EPC1: variants seen among roughly 807,000 people sequenced by gnomAD.
EPC1 encodes enhancer of polycomb homolog 1.
Under a neutral mutation model 98.4 loss-of-function variants are expected in EPC1, and 12 were observed. That is an observed-to-expected ratio of 0.12 (90% CI 0.08 to 0.20). EPC1 has a LOEUF of 0.20. Ranked by LOEUF, EPC1 falls within the 10% of genes least tolerant of loss-of-function variation. The pLI is 1.00. For synonymous variants in EPC1, 357 were observed against 363.9 expected, an observed-to-expected ratio of 0.98 and a Z score of 0.21; for missense variants, 729 against 990.5, an observed-to-expected ratio of 0.74 and a Z score of 3.54.
intron 5 of EPC1, chr10:32,291,865 A>G (rs145361836): frequency 2.0e-5 from 3 of 152,246 alleles, no homozygotes; most frequent in Middle Eastern, 6.8e-3. Flanking sequence ...ATATAAATAG[A>G]GGATTGTTGG....
chr10:32,326,577 A>G (rs770013593), intron 1 of EPC1, among the ~76,000 whole-genome samples: 19 of 152,310 alleles, frequency 1.2e-4, no homozygotes, highest in Non-Finnish European at 1.8e-4. Context: ...GGGTACTATT[A>G]TAACAAAAAA....
chr10:32,363,117 G>T (rs112931581), intron 1 of EPC1, among the ~76,000 whole-genome samples: 25 of 152,258 alleles, frequency 1.6e-4, no homozygotes, highest in African/African-American at 6.0e-4. Context: ...TCTGTCACCT[G>T]GGCTAGAGTG....
At chr10:32,329,902 A>G (rs1837536857) in intron 1 of EPC1, among the ~76,000 whole-genome samples, 1 of 152,214 alleles carries the variant, frequency 6.6e-6, no homozygotes, top group South Asian at 2.1e-4. Context: ...TGGATACCTA[A>G]GGAAGTGACC....
chr10:32,286,909 G>T lies in EPC1; in HGVS notation c.1242+17C>A, dbSNP rs2132704159. 1 of 1,610,246 alleles carries T rather than the reference G, an allele frequency of 6.2e-7. No homozygotes were observed. The highest frequency in any genetic ancestry group is 8.5e-7 in the Non-Finnish European group (1 of 1,178,572). ...AGGTAAATAGTTTGTTATTTACAAA[G>T]ACACTCTGAAACTTACAGCATAGTA... On this transcript the variant is annotated intron_variant, in intron 8 of 13. Coordinates refer to ENST00000319778, the MANE Select transcript of EPC1 (RefSeq NM_001272004.3).
chr10:32,291,582 C>G (rs1834852726), intron 5 of EPC1: 1 of 240,980 alleles, frequency 4.1e-6, no homozygotes, highest in South Asian at 1.6e-4. Flanking sequence ...AACTGTAAGT[C>G]TGTACCCTTT....
chr10:32,318,163 C>T (rs1434444389), intron 1 of EPC1, among the ~76,000 whole-genome samples: 4 of 152,108 alleles, frequency 2.6e-5, no homozygotes, highest in South Asian at 2.1e-4. Flanking sequence ...TTAGAAAAGC[C>T]GCAATCTAAT....
intron 1 of EPC1, among the ~76,000 whole-genome samples, chr10:32,343,215 A>G (rs1228200055): frequency 1.3e-5 from 2 of 151,842 alleles, no homozygotes; most frequent in Non-Finnish European, 2.9e-5. Context: ...TTTTTAATTA[A>G]ATTATTTTTT....
chr10:32,340,918 C>T (rs1016207110), intron 1 of EPC1, among the ~76,000 whole-genome samples: 2 of 87,774 alleles, frequency 2.3e-5, no homozygotes, highest in Non-Finnish European at 5.6e-5. Flanking sequence ...TTTATTCTTA[C>T]CAAAAAGTTA....
intron 1 of EPC1, among the ~76,000 whole-genome samples, chr10:32,317,069 C>A (rs1201945703): frequency 6.6e-6 from 1 of 152,026 alleles, no homozygotes; most frequent in Non-Finnish European, 1.5e-5. Flanking sequence ...TCTTGCTGAA[C>A]CCCAGAACAC....
chr10:32,303,740 T>C (rs1402858346), intron 2 of EPC1, among the ~76,000 whole-genome samples: 8 of 152,224 alleles, frequency 5.3e-5, no homozygotes, highest in Admixed American at 3.9e-4. Context: ...TGCAGGGCTA[T>C]ACATGATAAA....
At chr10:32,319,650 T>A (rs1162047809) in intron 1 of EPC1, among the ~76,000 whole-genome samples, 2 of 152,168 alleles carry the variant, frequency 1.3e-5, no homozygotes, top group African/African-American at 4.8e-5. Flanking sequence ...GTCTACGTCA[T>A]AAAAGATGAA....
chr10:32,330,776 T>C (rs745361229), intron 1 of EPC1, among the ~76,000 whole-genome samples: 12 of 152,060 alleles, frequency 7.9e-5, no homozygotes, highest in Non-Finnish European at 1.2e-4. Context: ...CCTTGAGAAA[T>C]AGTTTTAGAT....
intron 9 of EPC1, chr10:32,286,097 C>T (rs1836665993): frequency 6.6e-6 from 1 of 152,136 alleles, no homozygotes; most frequent in Non-Finnish European, 1.5e-5. Context: ...ATTTGCTTTC[C>T]CTTTTAATTT....
At chr10:32,289,701 G>C (rs978209761) in intron 6 of EPC1, among the ~76,000 whole-genome samples, 1 of 151,434 alleles carries the variant, frequency 6.6e-6, no homozygotes, top group Middle Eastern at 3.4e-3. Flanking sequence ...TCGGCTCACT[G>C]CAAGCTCTGC....
At chr10:32,340,426 A>G (rs1399072694) in intron 1 of EPC1, among the ~76,000 whole-genome samples, 1 of 152,258 alleles carries the variant, frequency 6.6e-6, no homozygotes, top group Admixed American at 6.5e-5. Flanking sequence ...AAAATACTGT[A>G]AGAACTCAAA....
At chr10:32,340,563 T>C (rs1838276213) in intron 1 of EPC1, among the ~76,000 whole-genome samples, 1 of 152,300 alleles carries the variant, frequency 6.6e-6, no homozygotes, top group East Asian at 1.9e-4. Flanking sequence ...GGTGCAGTGG[T>C]TCTCGCCTAT....
chr10:32,324,513 G>C (rs116641434), intron 1 of EPC1, among the ~76,000 whole-genome samples: 62 of 150,436 alleles, frequency 4.1e-4, no homozygotes, highest in African/African-American at 1.5e-3. Context: ...CTGGGCTACA[G>C]AGTGAGACAC....
At chr10:32,276,355 AC>A (rs1449179816) in intron 10 of EPC1, among the ~76,000 whole-genome samples, 1 of 152,160 alleles carries the variant, frequency 6.6e-6, no homozygotes, top group East Asian at 1.9e-4. Flanking sequence ...TACCAAAAAT[AC>A]AAAAACTTAG....
intron 1 of EPC1, among the ~76,000 whole-genome samples, chr10:32,340,829 CA>C (rs5784283): frequency 1.1e-4 from 16 of 150,298 alleles, no homozygotes; most frequent in Non-Finnish European, 2.1e-4. Flanking sequence ...GACTTTGACT[CA>C]AAAAAAAACC....
Sources: allele counts gnomAD v4.1 joint callset (sites outside exome capture counted in the v4.1 genomes callset), GRCh38; gene constraint gnomAD v4.1.1; transcripts MANE v1.5; gene names NCBI Gene and HGNC (gene_info 2026-07-23, HGNC 2026-07-21).